TENM1: variants seen among roughly 807,000 people sequenced by gnomAD.
The protein encoded by TENM1 is teneurin transmembrane protein 1.
In TENM1, 35 loss-of-function variants were observed where a neutral mutation model predicts 174.8. The ratio of observed to expected loss-of-function variants is 0.20; its 90% CI spans 0.15 to 0.27. The LOEUF is 0.27. Ranked by LOEUF, TENM1 falls within the 10% of genes least tolerant of loss-of-function variation. The pLI is 1.00. For synonymous variants in TENM1, 781 were observed against 798.7 expected, an observed-to-expected ratio of 0.98 and a Z score of 0.37; for missense variants, 1,633 against 2,130.1, an observed-to-expected ratio of 0.77 and a Z score of 4.59.
At chrX:125,187,519 T>A in the TENM1 span, among the ~76,000 whole-genome samples, 1 of 111,593 alleles carries the variant, frequency 9.0e-6, no homozygotes, top group African/African-American at 3.3e-5. Flanking sequence ...GTTAAATAAA[T>A]CAAGGATTTA....
At chrX:124,508,122 T>C (rs1031474282) in intron 18 of TENM1, among the ~76,000 whole-genome samples, 8 of 111,423 alleles carry the variant, frequency 7.2e-5, no homozygotes, top group Admixed American at 4.7e-4. Flanking sequence ...CATGGCAAAA[T>C]AGACCAATAC....
chrX:124,699,134 G>A (rs1211864334), intron 5 of TENM1, among the ~76,000 whole-genome samples: 2 of 111,701 alleles, frequency 1.8e-5, no homozygotes, highest in African/African-American at 6.5e-5. Context: ...TACAATTTGG[G>A]TGGAGAGAAA....
chrX:125,060,036 G>A, the TENM1 span, among the ~76,000 whole-genome samples: 20,463 of 108,300 alleles, frequency 0.19, 1,485 homozygotes, highest in Admixed American at 0.33. Context: ...CCTTTCAGAC[G>A]CATGCTGCAA....
At chrX:124,497,927 C>T (rs187723375) in intron 19 of TENM1, among the ~76,000 whole-genome samples, 8 of 111,810 alleles carry the variant, frequency 7.2e-5, no homozygotes, top group East Asian at 2.8e-4. Flanking sequence ...TCCATACCCA[C>T]GGCTTTAACT....
chrX:125,067,137 T>A, the TENM1 span, among the ~76,000 whole-genome samples: 19 of 111,122 alleles, frequency 1.7e-4, no homozygotes, highest in South Asian at 7.2e-3. Context: ...GCTCAGATAA[T>A]CAATATACAC....
intron 15 of TENM1, among the ~76,000 whole-genome samples, chrX:124,533,155 C>G (rs1209175106): frequency 9.0e-6 from 1 of 111,543 alleles, no homozygotes; most frequent in Non-Finnish European, 1.9e-5. Context: ...CATATATATT[C>G]TTTGGAAGTA....
chrX:124,444,524 C>T (rs148047514), intron 23 of TENM1, among the ~76,000 whole-genome samples: 11 of 111,971 alleles, frequency 9.8e-5, no homozygotes, highest in African/African-American at 3.2e-4. Context: ...TACCATCACA[C>T]GGAAGTAAGC....
the TENM1 span, among the ~76,000 whole-genome samples, chrX:125,173,339 C>T: frequency 9.0e-6 from 1 of 111,314 alleles, no homozygotes; most frequent in Non-Finnish European, 1.9e-5. Context: ...TGCAATCTCC[C>T]CAGTTTAATA....
At chrX:124,722,637 G>A (rs2053340004) in intron 4 of TENM1, among the ~76,000 whole-genome samples, 1 of 109,841 alleles carries the variant, frequency 9.1e-6, no homozygotes, top group Non-Finnish European at 1.9e-5. Context: ...TCAGGAGATC[G>A]AGACCATCCT....
At chrX:124,875,409 T>C (rs1013558535) in intron 3 of TENM1, among the ~76,000 whole-genome samples, 1 of 110,140 alleles carries the variant, frequency 9.1e-6, no homozygotes. Context: ...TCATGTTTGG[T>C]CTTAGATTTT....
At chrX:125,147,575 A>G in the TENM1 span, among the ~76,000 whole-genome samples, 2 of 111,268 alleles carry the variant, frequency 1.8e-5, no homozygotes, top group East Asian at 5.6e-4. Flanking sequence ...CTAAACCTCA[A>G]TAAGACCTCC....
chrX:124,386,552 A>C (rs150098929), intron 28 of TENM1, among the ~76,000 whole-genome samples: 1 of 110,477 alleles, frequency 9.1e-6, no homozygotes, highest in Non-Finnish European at 1.9e-5. Flanking sequence ...AGAATGAGAG[A>C]AATTTTGTGT....
At chrX:124,961,598 C>G (rs1403439578) in intron 1 of TENM1, among the ~76,000 whole-genome samples, 1 of 111,000 alleles carries the variant, frequency 9.0e-6, no homozygotes, top group Non-Finnish European at 1.9e-5. Flanking sequence ...GAGCCAAGAT[C>G]ATGCCACTGC....
chrX:124,939,691 C>A (rs954103852), intron 1 of TENM1, among the ~76,000 whole-genome samples: 2 of 111,127 alleles, frequency 1.8e-5, no homozygotes, highest in African/African-American at 6.5e-5. Context: ...CCACTCACAG[C>A]GGCCCTCTTT....
chrX:124,999,977 TCTTTTTAACAAGTATG>T, the TENM1 span, among the ~76,000 whole-genome samples: 1 of 111,346 alleles, frequency 9.0e-6, no homozygotes, highest in East Asian at 2.8e-4. Flanking sequence ...TGCACGACAT[TCTTTTTAACAAGTATG>T]AACTTTCTGG....
At chrX:124,446,612 A>G (rs1380741423) in intron 23 of TENM1, among the ~76,000 whole-genome samples, 1 of 112,711 alleles carries the variant, frequency 8.9e-6, no homozygotes, top group African/African-American at 3.2e-5. Context: ...TCTAACCTCC[A>G]TAGGTACTAT....
chrX:124,600,553 A>C (rs1181131484), intron 11 of TENM1, among the ~76,000 whole-genome samples: 2 of 111,479 alleles, frequency 1.8e-5, no homozygotes, highest in Non-Finnish European at 3.8e-5. Flanking sequence ...CCTGGAAGAT[A>C]CCATATTAAT....
intron 4 of TENM1, among the ~76,000 whole-genome samples, chrX:124,709,707 AG>A (rs2052998311): frequency 9.0e-6 from 1 of 111,002 alleles, no homozygotes; most frequent in African/African-American, 3.3e-5. Flanking sequence ...TGACAACCAC[AG>A]TCTTCACCAG....
At chrX:124,846,021 G>A (rs192637783) in intron 3 of TENM1, among the ~76,000 whole-genome samples, 41 of 110,610 alleles carry the variant, frequency 3.7e-4, no homozygotes, top group Admixed American at 2.8e-3. Context: ...TTCAGGCTTC[G>A]TGGCAGTAGT....
Sources: allele counts gnomAD v4.1 joint callset (sites outside exome capture counted in the v4.1 genomes callset), GRCh38; gene constraint gnomAD v4.1.1; transcripts MANE v1.5; gene names NCBI Gene and HGNC (gene_info 2026-07-23, HGNC 2026-07-21).